RBFOX1: variants seen among roughly 807,000 people sequenced by gnomAD.
RBFOX1 encodes the protein RNA binding protein fox-1 homolog 1.
A neutral mutation model predicts 57.7 loss-of-function variants in RBFOX1; 8 were observed. The ratio of observed to expected loss-of-function variants is 0.14; its 90% confidence interval spans 0.08 to 0.25. The LOEUF (loss-of-function observed/expected upper bound fraction) is 0.25. Ranked by LOEUF, RBFOX1 falls within the 10% of genes least tolerant of loss-of-function variation. The probability of loss-of-function intolerance (pLI) is 1.00; values close to 1 mark genes in which losing one functional copy is unlikely to be tolerated. For missense variants in RBFOX1, 611 were observed against 548.5 expected, an observed-to-expected ratio of 1.11 and a Z score of -1.14; for synonymous variants, 326 against 222.4, an observed-to-expected ratio of 1.47 and a Z score of -4.15.
At chr16:5,380,755 C>G (rs758184891) in intron 1 of RBFOX1, among the ~76,000 whole-genome samples, 1 of 152,222 alleles carries the variant, frequency 6.6e-6, no homozygotes, top group Non-Finnish European at 1.5e-5. Flanking sequence ...GATCCAAACT[C>G]AGGAGTCTCT....
chr16:5,458,784 G>A (rs753399127), intron 1 of RBFOX1, among the ~76,000 whole-genome samples: 4 of 152,144 alleles, frequency 2.6e-5, no homozygotes, highest in Non-Finnish European at 4.4e-5. Context: ...GCATCCATCC[G>A]TCCATCCATT....
chr16:6,392,871 T>A (rs2092667066), intron 2 of RBFOX1, among the ~76,000 whole-genome samples: 1 of 152,244 alleles, frequency 6.6e-6, no homozygotes, highest in African/African-American at 2.4e-5. Context: ...TCATGGGCCA[T>A]ATTTTTATCA....
chr16:7,660,972 G>A (rs776560447), intron 12 of RBFOX1, among the ~76,000 whole-genome samples: 9 of 152,126 alleles, frequency 5.9e-5, no homozygotes, highest in African/African-American at 1.4e-4. Context: ...TGATCATATT[G>A]TCCATCTCAT....
intron 4 of RBFOX1, chr16:7,304,525 G>T: frequency 1.0e-6 from 1 of 985,264 alleles, no homozygotes; most frequent in African/African-American, 1.7e-5. Context: ...CTTTCCTGGG[G>T]CTGGGCCAGA....
chr16:7,216,316 G>C (rs1054413784), intron 4 of RBFOX1, among the ~76,000 whole-genome samples: 7 of 143,650 alleles, frequency 4.9e-5, no homozygotes, highest in Non-Finnish European at 1.1e-4. Context: ...CTTTTGACTT[G>C]TCTAAGCCAC....
chr16:5,931,630 C>T (rs966602844), intron 4 of RBFOX1, among the ~76,000 whole-genome samples: 1 of 152,180 alleles, frequency 6.6e-6, no homozygotes, highest in Non-Finnish European at 1.5e-5. Context: ...CTGGTGAGAG[C>T]TTCCAGGATC....
intron 4 of RBFOX1, among the ~76,000 whole-genome samples, chr16:7,107,198 G>C (rs373817993): frequency 5.3e-5 from 8 of 152,280 alleles, no homozygotes; most frequent in African/African-American, 1.9e-4. Context: ...AGAGATTGCT[G>C]GGTTCAAAGA....
At chr16:5,420,605 G>T (rs990897575) in intron 1 of RBFOX1, among the ~76,000 whole-genome samples, 1 of 151,632 alleles carries the variant, frequency 6.6e-6, no homozygotes, top group South Asian at 2.1e-4. Context: ...ACCTCCCCAG[G>T]CTCCAGCGAT....
At chr16:5,599,325 G>A (rs972495941) in exon 3 of RBFOX1, 2 of 617,248 alleles carry the variant, frequency 3.2e-6, no homozygotes, top group Non-Finnish European at 2.9e-6. Flanking sequence ...GAAGTCGAAT[G>A]TCATTGGGTT....
Position 6,220,226 on chromosome 16 carries a change from C to A in RBFOX1, c.-126-96769C>A, listed in dbSNP as rs1567707124. Among the ~76,000 whole-genome samples, 2 of 151,788 alleles carry A rather than the reference C, an allele frequency of 1.3e-5. 1 individual carries two copies. The highest frequency in any genetic ancestry group is 2.9e-5 in the Non-Finnish European group (2 of 67,984). On this transcript the variant is annotated intron_variant, in intron 1 of 15. Transcript: ENST00000550418. ...TATATGTATATATACATTCATCTAT[C>A]CATTTATCGTCTATTTCTCCATACA...
intron 4 of RBFOX1, among the ~76,000 whole-genome samples, chr16:5,938,045 C>T (rs2059202247): frequency 1.3e-5 from 2 of 152,158 alleles, no homozygotes; most frequent in Admixed American, 1.3e-4. Flanking sequence ...GATAATTTCA[C>T]ATGAGTATTT....
intron 1 of RBFOX1, among the ~76,000 whole-genome samples, chr16:5,435,941 G>T (rs1250523162): frequency 6.6e-6 from 1 of 152,188 alleles, no homozygotes; most frequent in Non-Finnish European, 1.5e-5. Flanking sequence ...ACACACCTTT[G>T]ATTACTTCCT....
At chr16:6,482,037 T>A (rs998594889) in intron 2 of RBFOX1, among the ~76,000 whole-genome samples, 5 of 152,220 alleles carry the variant, frequency 3.3e-5, no homozygotes, top group African/African-American at 1.2e-4. Flanking sequence ...GATATGAAGT[T>A]GTAACGAATG....
intron 2 of RBFOX1, among the ~76,000 whole-genome samples, chr16:6,607,592 C>G (rs1406815052): frequency 1.3e-5 from 2 of 151,126 alleles, no homozygotes; most frequent in Non-Finnish European, 3.0e-5. Flanking sequence ...TCTCCCTCCT[C>G]TCTCTCTCTC....
At chr16:6,101,458 TC>T (rs1324623667) in intron 1 of RBFOX1, among the ~76,000 whole-genome samples, 1 of 152,116 alleles carries the variant, frequency 6.6e-6, no homozygotes, top group East Asian at 1.9e-4. Flanking sequence ...TTTTGTATCT[TC>T]TACTTTTTAA....
intron 3 of RBFOX1, among the ~76,000 whole-genome samples, chr16:5,682,611 A>C (rs982526838): frequency 6.6e-6 from 1 of 152,216 alleles, no homozygotes; most frequent in Non-Finnish European, 1.5e-5. Context: ...CCCATTGTAC[A>C]GATCATGCAA....
At chr16:7,665,291 G>C (rs1472962406) in intron 13 of RBFOX1, among the ~76,000 whole-genome samples, 1 of 152,144 alleles carries the variant, frequency 6.6e-6, no homozygotes, top group South Asian at 2.1e-4. Context: ...TTCTCGATAT[G>C]TTCTTCGTTT....
intron 4 of RBFOX1, among the ~76,000 whole-genome samples, chr16:7,330,472 CTGTG>C (rs71391624): frequency 0.027 from 2,522 of 94,352 alleles, 38 homozygotes; most frequent in South Asian, 0.13. Flanking sequence ...ATGGAGAGCT[CTGTG>C]TGTGTGTGTG....
At chr16:6,162,923 G>T (rs889735748) in intron 1 of RBFOX1, among the ~76,000 whole-genome samples, 2 of 152,170 alleles carry the variant, frequency 1.3e-5, no homozygotes, top group Admixed American at 1.3e-4. Flanking sequence ...TAGTAGAGAC[G>T]AGGTTTTGCC....
Sources: allele counts gnomAD v4.1 joint callset (sites outside exome capture counted in the v4.1 genomes callset), GRCh38; gene constraint gnomAD v4.1.1; transcripts MANE v1.5; gene names NCBI Gene and HGNC (gene_info 2026-07-23, HGNC 2026-07-21).